VRK3: variants seen among roughly 807,000 people sequenced by gnomAD.
VRK3 encodes serine/threonine-protein kinase VRK3.
Under a neutral mutation model 60.4 loss-of-function variants are expected in VRK3, and 50 were observed. The observed-to-expected ratio is 0.83, with a 90% confidence interval of 0.66 to 1.05. The LOEUF (loss-of-function observed/expected upper bound fraction) is 1.05, where lower values mean the gene tolerates loss of function less well. Among genes scored for constraint, VRK3 ranks in the 50% least tolerant of loss-of-function variants. VRK3 has a pLI of 0.00. For synonymous variants in VRK3, 246 were observed against 227.8 expected (o/e 1.08, Z -0.72); for missense variants, 549 against 585.3 (o/e 0.94, Z 0.64).
In VRK3 at chr19:49,979,091, C is replaced by G; in HGVS notation, c.*3G>C. On this transcript the variant is annotated 3_prime_UTR_variant, in exon 14 of 15. Coordinates refer to ENST00000316763, the MANE Select transcript of VRK3 (RefSeq NM_016440.4). ...TCACAAGCTCTTCCCACCTGGATTC[C>G]ACCTAGGGCACCATCGGGAGGCCAA... The G allele has an allele frequency of 6.2e-7, 1 of 1,602,350 alleles. No individual in the cohort carries two copies. Among genetic ancestry groups the G allele is most frequent in the Non-Finnish European group, 8.5e-7 (1 of 1,172,582 alleles).
chr19:50,021,917 G>A (rs1429857898), intron 1 of VRK3, among the ~76,000 whole-genome samples: 1 of 152,172 alleles, frequency 6.6e-6, no homozygotes, highest in Non-Finnish European at 1.5e-5. Context: ...TCCCCTTTGG[G>A]GAGATGAGAA....
chr19:50,006,444 C>T (rs1471846319), intron 5 of VRK3, among the ~76,000 whole-genome samples: 3 of 151,474 alleles, frequency 2.0e-5, no homozygotes, highest in Non-Finnish European at 2.9e-5. Flanking sequence ...GGTGCAACCT[C>T]GGCTCACTGC....
intron 3 of VRK3, 178 bp downstream of exon 3, chr19:50,015,846 G>T: frequency 1.3e-6 from 1 of 760,438 alleles, no homozygotes; most frequent in Non-Finnish European, 2.2e-6. Flanking sequence ...TCAAAGCCAT[G>T]AGGCCAATAA....
chr19:50,012,126 C>T (rs1018331019), intron 3 of VRK3, among the ~76,000 whole-genome samples: 12 of 152,240 alleles, frequency 7.9e-5, no homozygotes, highest in African/African-American at 2.6e-4. Flanking sequence ...CATGCACCAC[C>T]ACGCCCAGCT....
At chr19:49,985,139 A>G (rs535555077) in intron 12 of VRK3, among the ~76,000 whole-genome samples, 1 of 152,150 alleles carries the variant, frequency 6.6e-6, no homozygotes, top group Admixed American at 6.5e-5. Context: ...AACCCATTAG[A>G]GTGTGTGAGG....
intron 9 of VRK3, among the ~76,000 whole-genome samples, chr19:49,993,812 T>C (rs1276775398): frequency 4.6e-5 from 7 of 152,092 alleles, no homozygotes. Flanking sequence ...TCTCCTCCTA[T>C]AGACTCTCCA....
chr19:49,991,736 C>T (rs973407871), intron 10 of VRK3, among the ~76,000 whole-genome samples: 16 of 152,296 alleles, frequency 1.1e-4, no homozygotes, highest in African/African-American at 3.8e-4. Context: ...GTCTGCCTGA[C>T]AACGAGCAGT....
chr19:50,019,952 C>T (rs2077144584), intron 2 of VRK3, among the ~76,000 whole-genome samples: 1 of 151,958 alleles, frequency 6.6e-6, no homozygotes, highest in Non-Finnish European at 1.5e-5. Context: ...GATCTTGGCT[C>T]ACTGCAACCT....
chr19:49,992,654 G>C (rs1367403907), intron 10 of VRK3, among the ~76,000 whole-genome samples: 3 of 152,008 alleles, frequency 2.0e-5, no homozygotes, highest in Admixed American at 2.0e-4. Flanking sequence ...GCTAGCCTGT[G>C]GATTTCTTTT....
intron 14 of VRK3, among the ~76,000 whole-genome samples, chr19:49,977,594 AC>A (rs1214129607): frequency 6.6e-6 from 1 of 151,880 alleles, no homozygotes; most frequent in Non-Finnish European, 1.5e-5. Flanking sequence ...GTCAGACGCG[AC>A]CCTGCCCTGG....
At chr19:50,000,976 C>G in intron 5 of VRK3, 122 bp from the exon 6 acceptor site, 4 of 819,832 alleles carry the variant, frequency 4.9e-6, no homozygotes, top group Non-Finnish European at 7.6e-6. Flanking sequence ...GTCAAGCGCA[C>G]TCTTGGCTCT....
At chr19:49,989,944 G>A (rs976305540) in intron 10 of VRK3, among the ~76,000 whole-genome samples, 173 bp from the exon 11 acceptor site, 7 of 152,004 alleles carry the variant, frequency 4.6e-5, no homozygotes, top group African/African-American at 1.7e-4. Context: ...ACCCAAACCA[G>A]CCATCCATAT....
At chr19:50,008,950 CCA>C (rs1381524439) in intron 4 of VRK3, 5 of 360,180 alleles carry the variant, frequency 1.4e-5, no homozygotes, top group Non-Finnish European at 2.5e-5. Context: ...AGGAACCAGG[CCA>C]CACAGATACC....
chr19:50,018,787 G>A (rs917809854), intron 2 of VRK3, among the ~76,000 whole-genome samples: 1 of 150,266 alleles, frequency 6.7e-6, no homozygotes, highest in Non-Finnish European at 1.5e-5. Flanking sequence ...GGCAAACCTG[G>A]GTGTTGACAC....
At chr19:49,981,188 T>C (rs1260887655) in intron 12 of VRK3, 175 bp from the exon 13 acceptor site, 6 of 639,932 alleles carry the variant, frequency 9.4e-6, no homozygotes, top group Admixed American at 4.8e-5. Flanking sequence ...TCCACTACCA[T>C]TGCTCCCAAG....
chr19:49,988,239 C>A, intron 12 of VRK3, 133 bp downstream of exon 12: 2 of 1,373,818 alleles, frequency 1.5e-6, no homozygotes, highest in Middle Eastern at 2.3e-4. Context: ...CATGCCTGTG[C>A]GGCTCAGAGG....
At chr19:50,014,526 A>G (rs1343069546) in intron 3 of VRK3, among the ~76,000 whole-genome samples, 3 of 152,160 alleles carry the variant, frequency 2.0e-5, no homozygotes. Flanking sequence ...GCAGTGAGCC[A>G]AGATTGCGCC....
chr19:50,002,775 C>T (rs1195170466), intron 5 of VRK3, among the ~76,000 whole-genome samples: 1 of 152,164 alleles, frequency 6.6e-6, no homozygotes, highest in African/African-American at 2.4e-5. Context: ...GGGCTCTAGA[C>T]TCTGTGATCT....
chr19:49,998,965 A>AAAAAAAAAG lies in VRK3; in HGVS notation c.613-1396_613-1395insCTTTTTTTT, dbSNP rs2076752453. 5 of 150,018 alleles carry AAAAAAAAAG rather than the reference A, an allele frequency of 3.3e-5. No individual in the cohort carries two copies. The East Asian group carries it at 5.9e-4, about 18-fold the overall frequency. 9.3% of individuals were successfully genotyped at this position (150,018 alleles called of 1,614,324 possible). A position where few individuals can be genotyped will look rare whatever the true frequency, so the allele number is the denominator to read the frequency against. On this transcript the variant is annotated intron_variant, in intron 6 of 14. Transcript: ENST00000316763. ...CTCTACCAGAAAAAAAAAAAAAAAA[A>AAAAAAAAAG]AAAAAAAAAAAGCTGGACGTGGTGG...
Sources: gnomAD v4.1 joint callset for allele counts (sites outside exome capture counted in the v4.1 genomes callset) on GRCh38, gnomAD v4.1.1 for gene constraint, MANE v1.5 for transcripts, NCBI Gene and HGNC (gene_info 2026-07-23, HGNC 2026-07-21) for gene names.